The following PCDH7 variants were observed in gnomAD, a reference collection of about 807,000 sequenced individuals.
PCDH7 encodes protocadherin 7, also known as protocadherin-7.
In PCDH7, 17 loss-of-function variants were observed where a neutral mutation model predicts 58.9. The observed-to-expected ratio is 0.29, with a 90% CI of 0.20 to 0.43. PCDH7 has a LOEUF of 0.43. PCDH7 is among the 20% of genes least tolerant of loss of function. The pLI is 1.00. For synonymous variants in PCDH7, 664 were observed against 616.4 expected, an observed-to-expected ratio of 1.08 and a Z score of -1.14; for missense variants, 1,274 against 1,441.0, an observed-to-expected ratio of 0.88 and a Z score of 1.88.
chr4:30,806,492 G>A lies in PCDH7; in HGVS notation c.70+81896G>A, dbSNP rs181772735. Among the ~76,000 whole-genome samples, 5 of 151,936 alleles carry A rather than the reference G, an allele frequency of 3.3e-5. No homozygotes were observed. The East Asian group carries it at 9.8e-4, about 30-fold the overall frequency. The stretch of plus-strand genomic sequence containing the variant: ...TAAATTTTGTACTTTTTTTAGTAAA[G>A]AAGGGGTTTCACCATGTTGGTCAGG... On this transcript the variant is annotated intron_variant, in intron 1 of 3. Transcript: ENST00000509759.
At chr4:31,008,839 A>T (rs34267891) in intron 3 of PCDH7, among the ~76,000 whole-genome samples, 6,999 of 152,184 alleles carry the variant, frequency 0.046, 412 homozygotes, top group East Asian at 0.3. Flanking sequence ...CCTTAAGCTA[A>T]CATAGTTCTT....
chr4:30,755,948 G>A (rs184178123), intron 1 of PCDH7, among the ~76,000 whole-genome samples: 333 of 152,046 alleles, frequency 2.2e-3, no homozygotes, highest in African/African-American at 7.6e-3. Context: ...GTGTGGTGGC[G>A]TGCACCTGTA....
chr4:30,898,280 G>A (rs115701340), intron 1 of PCDH7, among the ~76,000 whole-genome samples: 2,080 of 152,224 alleles, frequency 0.014, 21 homozygotes, highest in Non-Finnish European at 0.022. Context: ...AAAACCCGAA[G>A]GAGTTTAAGT....
chr4:30,729,282 A>G (rs1026057756), intron 1 of PCDH7, among the ~76,000 whole-genome samples: 6 of 151,994 alleles, frequency 3.9e-5, no homozygotes, highest in Non-Finnish European at 8.8e-5. Flanking sequence ...ATTGCAGTAG[A>G]AATCTGTTGA....
intron 1 of PCDH7, among the ~76,000 whole-genome samples, chr4:30,862,805 T>G (rs2109355452): frequency 6.6e-6 from 1 of 152,134 alleles, no homozygotes; most frequent in East Asian, 1.9e-4. Flanking sequence ...AAATATTTTT[T>G]CTCTTGACAT....
At chr4:30,836,901 T>C (rs772994463) in intron 1 of PCDH7, among the ~76,000 whole-genome samples, 3 of 152,112 alleles carry the variant, frequency 2.0e-5, no homozygotes, top group Non-Finnish European at 4.4e-5. Flanking sequence ...CCGAGTGCCT[T>C]AGAGTTCATT....
intron 1 of PCDH7, among the ~76,000 whole-genome samples, chr4:30,793,590 C>T (rs139829864): frequency 4.0e-5 from 6 of 151,880 alleles, no homozygotes; most frequent in Non-Finnish European, 8.8e-5. Context: ...GTGTCACATA[C>T]CAGCAGAATT....
At chr4:30,744,311 T>C (rs1717490583) in intron 1 of PCDH7, among the ~76,000 whole-genome samples, 1 of 152,218 alleles carries the variant, frequency 6.6e-6, no homozygotes, top group African/African-American at 2.4e-5. Context: ...CAACATTCCT[T>C]GATTCATATA....
intron 1 of PCDH7, among the ~76,000 whole-genome samples, chr4:30,887,801 T>C (rs1411834534): frequency 6.6e-6 from 1 of 152,084 alleles, no homozygotes; most frequent in Non-Finnish European, 1.5e-5. Context: ...CACACGGCAT[T>C]GATCAGATTT....
At chr4:31,047,939 A>G (rs1292905209) in intron 3 of PCDH7, among the ~76,000 whole-genome samples, 3 of 152,036 alleles carry the variant, frequency 2.0e-5, no homozygotes, top group Non-Finnish European at 2.9e-5. Flanking sequence ...AAATGTCCAC[A>G]TGCATAGATG....
chr4:30,854,920 A>G (rs992613128), intron 1 of PCDH7, among the ~76,000 whole-genome samples: 5 of 152,172 alleles, frequency 3.3e-5, no homozygotes, highest in Non-Finnish European at 5.9e-5. Flanking sequence ...CAGGTAAAAC[A>G]GGTATTATTA....
intron 1 of PCDH7, among the ~76,000 whole-genome samples, chr4:30,858,789 G>C (rs1218878300): frequency 6.6e-6 from 1 of 152,102 alleles, no homozygotes; most frequent in Non-Finnish European, 1.5e-5. Flanking sequence ...ATCATGCTGA[G>C]ATTCCACATG....
intron 3 of PCDH7, among the ~76,000 whole-genome samples, chr4:30,952,106 A>G (rs528111057): frequency 5.3e-5 from 8 of 152,222 alleles, no homozygotes; most frequent in Non-Finnish European, 1.2e-4. Context: ...ACTACTCAAT[A>G]TATTTTCTAT....
chr4:30,720,898 G>C lies in PCDH7; in HGVS notation c.-525G>C, dbSNP rs761724609. The C allele has an allele frequency of 6.5e-5, 10 of 153,816 alleles. No individual in the cohort carries two copies. Among genetic ancestry groups the C allele is most frequent in the South Asian group, 2.1e-4 (1 of 4,878 alleles). 9.5% of individuals were successfully genotyped at this position (153,816 alleles called of 1,614,324 possible). A position where few individuals can be genotyped will look rare whatever the true frequency, so the allele number is the denominator to read the frequency against. ...TGGGTTTGGAGTGAGTGCCTGGAACGTGAATTGGACTCAACTCGAGTAGCA... is the reference window on the plus strand; with the variant it reads ...TGGGTTTGGAGTGAGTGCCTGGAACCTGAATTGGACTCAACTCGAGTAGCA... On this transcript the variant is annotated 5_prime_UTR_variant, in exon 1 of 2. Coordinates refer to ENST00000361762, the Ensembl canonical transcript of PCDH7. The surrounding 1 kb of genome is among the most constrained non-coding windows in gnomAD (Gnocchi z 4.7).
At chr4:30,859,359 G>C (rs1733894007) in intron 1 of PCDH7, among the ~76,000 whole-genome samples, 1 of 152,000 alleles carries the variant, frequency 6.6e-6, no homozygotes, top group Non-Finnish European at 1.5e-5. Context: ...ACTGCCCTCT[G>C]AGTGTGTGAT....
chr4:30,727,708 T>C (rs1714818441), intron 1 of PCDH7, among the ~76,000 whole-genome samples: 1 of 151,950 alleles, frequency 6.6e-6, no homozygotes, highest in Admixed American at 6.6e-5. Flanking sequence ...GAAGTACAAC[T>C]GTGTTTTTCA....
At chr4:30,822,609 T>A (rs1425911723) in intron 1 of PCDH7, among the ~76,000 whole-genome samples, 1 of 152,170 alleles carries the variant, frequency 6.6e-6, no homozygotes, top group Non-Finnish European at 1.5e-5. Flanking sequence ...CACCTCTTTA[T>A]ATTAAAAATT....
chr4:30,965,843 A>G (rs958930126), intron 3 of PCDH7, among the ~76,000 whole-genome samples: 1 of 152,098 alleles, frequency 6.6e-6, no homozygotes, highest in Non-Finnish European at 1.5e-5. Context: ...TTTTTTTAAA[A>G]AAGTAGCATT....
At chr4:30,986,445 C>G (rs1750974245) in intron 3 of PCDH7, among the ~76,000 whole-genome samples, 1 of 151,982 alleles carries the variant, frequency 6.6e-6, no homozygotes, top group South Asian at 2.1e-4. Context: ...AAAAACCCAC[C>G]TATTTCTACA....
Sources: allele counts gnomAD v4.1 joint callset (sites outside exome capture counted in the v4.1 genomes callset), GRCh38; gene constraint gnomAD v4.1.1; non-coding constraint Gnocchi (gnomAD v3.1); transcripts MANE v1.5; gene names NCBI Gene and HGNC (gene_info 2026-07-23, HGNC 2026-07-21).